The following EEA1 variants were observed in gnomAD, a reference collection of about 807,000 sequenced individuals.
EEA1 encodes the protein early endosome antigen 1, 162kD.
EEA1 carries 111 observed loss-of-function variants against 209.2 expected under a neutral mutation model. The ratio of observed to expected loss-of-function variants is 0.53; its 90% CI spans 0.45 to 0.62. EEA1 has a LOEUF of 0.62. Among genes scored for constraint, EEA1 ranks in the 20% least tolerant of loss-of-function variants. EEA1 has a pLI of 0.00. For missense variants in EEA1, 1,343 were observed against 1,530.8 expected (o/e 0.88, Z 2.05); for synonymous variants, 536 against 540.6 (o/e 0.99, Z 0.12).
At chr12:92,783,035 C>A (rs746784423) in intron 22 of EEA1, among the ~76,000 whole-genome samples, 8 of 152,220 alleles carry the variant, frequency 5.3e-5, no homozygotes, top group Non-Finnish European at 1.2e-4. Context: ...CTGTAATATC[C>A]TTTATAATAA....
intron 13 of EEA1, among the ~76,000 whole-genome samples, chr12:92,820,784 C>T (rs12316981): frequency 0.096 from 14,598 of 152,020 alleles, 819 homozygotes; most frequent in South Asian, 0.2. Context: ...TACACACACA[C>T]ACACATATAT....
chr12:92,899,147 G>T (rs1012728511), intron 1 of EEA1, among the ~76,000 whole-genome samples: 1 of 141,818 alleles, frequency 7.1e-6, no homozygotes, highest in Non-Finnish European at 1.5e-5. Context: ...AAAAAAAAAT[G>T]AGAGGAGCTG....
At chr12:92,829,211 G>A (rs142905990) in intron 11 of EEA1, among the ~76,000 whole-genome samples, 2,507 of 152,248 alleles carry the variant, frequency 0.016, 41 homozygotes, top group South Asian at 0.095. Context: ...GGAGGCTGTG[G>A]CAGGAGAATC....
At chr12:92,810,604 A>ATAG (rs1875442102) in intron 17 of EEA1, among the ~76,000 whole-genome samples, 1 of 152,020 alleles carries the variant, frequency 6.6e-6, no homozygotes, top group African/African-American at 2.4e-5. Context: ...AGTTACATAT[A>ATAG]TAGTAACTTG....
rs1873456008 is a variant in EEA1, at chr12:92,772,127, T to C, written c.*3884A>G. ...CAAAAAACAATGGCACATTGGGCCT[T>C]CCAAAAAGTATCTTTGGGGAGGGGA... is the stretch of plus-strand genomic sequence containing the variant. On this transcript the variant is annotated 3_prime_UTR_variant, in exon 29 of 29. Coordinates refer to ENST00000322349, the MANE Select transcript of EEA1 (RefSeq NM_003566.4). 6.6e-6 allele frequency: 1 copy of C among 151,674 alleles called. No individual in the cohort carries two copies. The highest frequency in any genetic ancestry group is 1.5e-5 in the Non-Finnish European group (1 of 67,798). 9.4% of individuals were successfully genotyped at this position (151,674 alleles called of 1,614,324 possible). A position where few individuals can be genotyped will look rare whatever the true frequency, so the allele number is the denominator to read the frequency against.
intron 2 of EEA1, among the ~76,000 whole-genome samples, chr12:92,882,226 G>A (rs1219968461): frequency 2.6e-5 from 4 of 151,874 alleles, no homozygotes; most frequent in African/African-American, 9.7e-5. Context: ...TCCTGCCTCA[G>A]CCTCCTGAGT....
chr12:92,904,120 C>T (rs577547456), intron 1 of EEA1, among the ~76,000 whole-genome samples: 1 of 151,916 alleles, frequency 6.6e-6, no homozygotes, highest in East Asian at 1.9e-4. Context: ...GCACCACCAC[C>T]CCGGCTAATT....
At chr12:92,887,485 A>C (rs749580500) in intron 2 of EEA1, among the ~76,000 whole-genome samples, 1 of 151,952 alleles carries the variant, frequency 6.6e-6, no homozygotes, top group Non-Finnish European at 1.5e-5. Flanking sequence ...TCTCTACCAA[A>C]AACAACAACA....
At chr12:92,789,388 C>T (rs905297314) in intron 21 of EEA1, among the ~76,000 whole-genome samples, 4 of 152,024 alleles carry the variant, frequency 2.6e-5, no homozygotes, top group African/African-American at 4.8e-5. Flanking sequence ...TTCTTTACAA[C>T]TGACTCCCAA....
Position 92,857,318 on chromosome 12 carries a change from T to G in EEA1, c.323A>C (p.Glu108Ala). 2 of 1,594,154 alleles carry G rather than the reference T, an allele frequency of 1.3e-6. No homozygotes were observed. The highest frequency in any genetic ancestry group is 1.7e-6 in the Non-Finnish European group (2 of 1,173,044). ...ATATTTTTCTAATTCCTTCTTTAATTCTTCCGAGTACCATTTTTCTTCCTA... is the reference window on the plus strand; with the variant it reads ...ATATTTTTCTAATTCCTTCTTTAATGCTTCCGAGTACCATTTTTCTTCCTA... The part of the protein sequence containing the change: ...SLKEEKWYSE[E>A]LKKELEKYQG... The change falls in exon 5 of 29, where the codon GAA (glutamate) becomes GCA (alanine). Residue 108 changes from glutamate (E) to alanine (A), a missense_variant. Physicochemically the swap from Glu to Ala is moderately radical, Grantham distance 107 (BLOSUM62 -1). This residue lies in a region of EEA1 where 1,307 missense variants were observed against 1,465.5 expected (regional missense o/e 0.89). Transcript: ENST00000322349.
intron 1 of EEA1, among the ~76,000 whole-genome samples, chr12:92,912,020 G>A (rs1417645604): frequency 6.6e-6 from 1 of 152,116 alleles, no homozygotes; most frequent in Non-Finnish European, 1.5e-5. Flanking sequence ...ATATCGAAAA[G>A]TTCTTTACAG....
chr12:92,792,585 A>T (rs1473450049), intron 21 of EEA1, among the ~76,000 whole-genome samples: 1 of 152,220 alleles, frequency 6.6e-6, no homozygotes, highest in African/African-American at 2.4e-5. Context: ...AACCAGGAAG[A>T]AGTTGAATCT....
chr12:92,857,369 T>C, intron 4 of EEA1, 29 bp from the exon 5 acceptor site: 1 of 1,562,690 alleles, frequency 6.4e-7, no homozygotes, highest in Non-Finnish European at 8.7e-7. Flanking sequence ...AATTAGTAAA[T>C]TTAAAAAGAG....
At chr12:92,902,390 A>G (rs942719770) in intron 1 of EEA1, among the ~76,000 whole-genome samples, 1 of 152,174 alleles carries the variant, frequency 6.6e-6, no homozygotes, top group Admixed American at 6.5e-5. Flanking sequence ...GCCCACTGTG[A>G]GAACTTAGTA....
At chr12:92,919,611 C>CAA (rs1422689688) in intron 1 of EEA1, among the ~76,000 whole-genome samples, 9 of 150,124 alleles carry the variant, frequency 6.0e-5, no homozygotes, top group Admixed American at 4.7e-4. Context: ...ATAATAAGAG[C>CAA]TATATATGAC....
chr12:92,907,689 C>T (rs1880432753), intron 1 of EEA1, among the ~76,000 whole-genome samples: 2 of 152,150 alleles, frequency 1.3e-5, no homozygotes, highest in Admixed American at 6.5e-5. Flanking sequence ...GCATTGTAAC[C>T]AAACCAAACT....
At chr12:92,838,728 T>A (rs571420564) in intron 10 of EEA1, among the ~76,000 whole-genome samples, 1 of 152,306 alleles carries the variant, frequency 6.6e-6, no homozygotes, top group Non-Finnish European at 1.5e-5. Flanking sequence ...CATAGAGAAA[T>A]TCTTGTACTA....
At chr12:92,846,817 G>A (rs567575556) in intron 9 of EEA1, among the ~76,000 whole-genome samples, 71 of 152,212 alleles carry the variant, frequency 4.7e-4, no homozygotes, top group Non-Finnish European at 5.9e-4. Context: ...AGTTAATAAT[G>A]TACACCAGAT....
intron 4 of EEA1, 31 bp from the exon 5 acceptor site, chr12:92,857,371 TA>T: frequency 6.4e-7 from 1 of 1,561,680 alleles, no homozygotes; most frequent in Non-Finnish European, 8.7e-7. Flanking sequence ...TTAGTAAATT[TA>T]AAAAGAGGTA....
Sources: allele counts gnomAD v4.1 joint callset (sites outside exome capture counted in the v4.1 genomes callset), GRCh38; gene constraint gnomAD v4.1.1; regional missense constraint gnomAD v4.1.1; transcripts MANE v1.5; gene names NCBI Gene and HGNC (gene_info 2026-07-23, HGNC 2026-07-21).